NRG1: variants seen among roughly 807,000 people sequenced by gnomAD.
NRG1 encodes neuregulin 1.
NRG1 carries 18 observed loss-of-function variants against 63.8 expected under a neutral mutation model. The ratio of observed to expected loss-of-function variants is 0.28; its 90% CI spans 0.19 to 0.42. NRG1 has a LOEUF of 0.42. Among genes scored for constraint, NRG1 ranks in the 10% least tolerant of loss-of-function variants. The pLI is 1.00. For missense variants in NRG1, 762 were observed against 814.7 expected, an observed-to-expected ratio of 0.94 and a Z score of 0.79; for synonymous variants, 302 against 301.3, an observed-to-expected ratio of 1.00 and a Z score of -0.02.
At chr8:31,800,628 A>G (rs1821673983) in intron 1 of NRG1, among the ~76,000 whole-genome samples, 1 of 152,210 alleles carries the variant, frequency 6.6e-6, no homozygotes, top group Non-Finnish European at 1.5e-5. Context: ...TCTAAAGAGT[A>G]ATCATAAAGT....
chr8:31,912,302 T>A (rs1411637165), intron 1 of NRG1, among the ~76,000 whole-genome samples: 2 of 152,190 alleles, frequency 1.3e-5, no homozygotes, highest in East Asian at 3.9e-4. Context: ...GGTACAGATC[T>A]ATTTACTATC....
rs144657694 is a variant in NRG1, at chr8:32,082,026, A to G, written c.37+442595A>G. On this transcript the variant is annotated intron_variant, in intron 1 of 10. Coordinates refer to the NRG1 transcript ENST00000519301. ...GGACACAGTATTGCTGGCAGAAGAA[A>G]TCACTCTTAAAGGGAATATAGATGC... is the stretch of plus-strand genomic sequence containing the variant. 1.3e-3 allele frequency among the ~76,000 whole-genome samples: 195 copies of G among 152,214 alleles called. 1 individual carries two copies. The highest frequency in any genetic ancestry group is 4.5e-3 in the African/African-American group (188 of 41,566).
intron 1 of NRG1, among the ~76,000 whole-genome samples, chr8:31,700,631 G>C (rs936745784): frequency 2.6e-5 from 4 of 152,158 alleles, no homozygotes; most frequent in African/African-American, 9.7e-5. Context: ...CAGGGTGCCT[G>C]GTAGAAAAAC....
In NRG1 at chr8:32,533,017, G is replaced by A. The variant is rs1350949762; in HGVS notation, c.38-62811G>A. Among the ~76,000 whole-genome samples the A allele has an allele frequency of 5.4e-5, 8 of 147,010 alleles. No individual in the cohort carries two copies. In the East Asian group the frequency reaches 5.9e-4, roughly 11 times the overall value. The stretch of plus-strand genomic sequence containing the variant: ...ATGCCTTAGATTACTACATGTTGAT[G>A]TGACTTGCTGATGTTTCACCAAAAA... On this transcript the variant is annotated intron_variant, in intron 1 of 10. Coordinates refer to the NRG1 transcript ENST00000519301.
At position 32,548,689 on chromosome 8, in the gene NRG1, C is replaced by T. The variant is rs770740330; in HGVS notation, c.-38C>T. ...GCCCTTGGACCAAACTCGCCTGCGC[C>T]GAGAGCCGTCCGCGTAGAGCGCTCC... On this transcript the variant is annotated 5_prime_UTR_variant, in exon 1 of 12. Transcript: ENST00000356819. 2.1e-5 allele frequency: 33 copies of T among 1,554,120 alleles called. No individual in the cohort carries two copies. In the Admixed American group the frequency reaches 2.2e-4, roughly 10 times the overall value.
intron 1 of NRG1, among the ~76,000 whole-genome samples, chr8:32,252,746 C>T (rs1849261303): frequency 6.6e-6 from 1 of 152,108 alleles, no homozygotes; most frequent in Non-Finnish European, 1.5e-5. Flanking sequence ...TCAATAGTAG[C>T]TTGATGGGGA....
At chr8:31,886,191 G>T (rs1489244076) in intron 1 of NRG1, among the ~76,000 whole-genome samples, 2 of 151,988 alleles carry the variant, frequency 1.3e-5, no homozygotes, top group Admixed American at 1.3e-4. Flanking sequence ...TTGCTTGCTG[G>T]CTACCAACAA....
At chr8:31,741,482 C>T (rs1245971474) in intron 1 of NRG1, among the ~76,000 whole-genome samples, 1 of 151,716 alleles carries the variant, frequency 6.6e-6, no homozygotes, top group Non-Finnish European at 1.5e-5. Context: ...TACATTTAAC[C>T]TACAAAGAAA....
At chr8:31,726,116 G>T (rs1182776615) in intron 1 of NRG1, among the ~76,000 whole-genome samples, 2 of 151,976 alleles carry the variant, frequency 1.3e-5, no homozygotes, top group African/African-American at 4.8e-5. Context: ...TTTCCAGGGG[G>T]TTTTAGTGGA....
intron 1 of NRG1, among the ~76,000 whole-genome samples, chr8:32,314,452 A>AC (rs1263827010): frequency 9.9e-5 from 1 of 10,102 alleles, no homozygotes; most frequent in Non-Finnish European, 1.5e-4. Context: ...TCGCGTGAAG[A>AC]CTAAGTAGAC....
intron 1 of NRG1, among the ~76,000 whole-genome samples, chr8:31,766,452 G>A (rs948870989): frequency 9.9e-5 from 15 of 152,110 alleles, no homozygotes; most frequent in Non-Finnish European, 2.9e-5. Flanking sequence ...GAAACCAAAT[G>A]TTCCTATGGG....
At chr8:32,305,289 A>T (rs1419069762) in intron 1 of NRG1, among the ~76,000 whole-genome samples, 1 of 152,182 alleles carries the variant, frequency 6.6e-6, no homozygotes, top group Admixed American at 6.5e-5. Context: ...GATTGATTTT[A>T]TGAAGAATTT....
intron 1 of NRG1, among the ~76,000 whole-genome samples, chr8:31,663,902 T>G (rs1481292981): frequency 6.6e-6 from 1 of 151,876 alleles, no homozygotes; most frequent in Non-Finnish European, 1.5e-5. Flanking sequence ...GCAAAGAGAG[T>G]AGGTAACTGT....
intron 1 of NRG1, among the ~76,000 whole-genome samples, chr8:32,029,066 C>T (rs1201822852): frequency 1.3e-5 from 2 of 152,138 alleles, no homozygotes; most frequent in Non-Finnish European, 2.9e-5. Flanking sequence ...TTCATTAACA[C>T]ACTTTAGGAA....
chr8:32,509,761 C>T (rs1320107379), intron 1 of NRG1, among the ~76,000 whole-genome samples: 1 of 152,164 alleles, frequency 6.6e-6, no homozygotes, highest in Non-Finnish European at 1.5e-5. Context: ...ATATGTTTGG[C>T]TTGAACCTCT....
intron 1 of NRG1, among the ~76,000 whole-genome samples, chr8:32,062,454 T>C (rs1261173669): frequency 6.6e-6 from 1 of 152,096 alleles, no homozygotes; most frequent in African/African-American, 2.4e-5. Context: ...TGTACGGATA[T>C]GCTGGAGATT....
chr8:32,200,346 T>C (rs2132290705), intron 1 of NRG1, among the ~76,000 whole-genome samples: 1 of 152,332 alleles, frequency 6.6e-6, no homozygotes, highest in Middle Eastern at 3.4e-3. Context: ...TTAGTTGTTC[T>C]CTTAGTGTTC....
intron 1 of NRG1, among the ~76,000 whole-genome samples, chr8:32,556,977 G>A (rs1398986911): frequency 1.3e-5 from 2 of 152,104 alleles, no homozygotes; most frequent in East Asian, 3.9e-4. Context: ...TTTCATTTGT[G>A]TATCAAGTAG....
At chr8:32,118,210 C>T (rs981329841) in intron 1 of NRG1, among the ~76,000 whole-genome samples, 1 of 152,046 alleles carries the variant, frequency 6.6e-6, no homozygotes, top group Non-Finnish European at 1.5e-5. Context: ...GTGTTTGGGT[C>T]ATGAGGGCAG....
Sources: allele counts gnomAD v4.1 joint callset (sites outside exome capture counted in the v4.1 genomes callset), GRCh38; gene constraint gnomAD v4.1.1; transcripts MANE v1.5; gene names NCBI Gene and HGNC (gene_info 2026-07-23, HGNC 2026-07-21).